The following WDR37 variants were observed in gnomAD, a reference collection of about 807,000 sequenced individuals.
WDR37 encodes the protein WD repeat domain 37.
In WDR37, 19 loss-of-function variants were observed where a neutral mutation model predicts 62.9. The observed-to-expected ratio is 0.30, with a 90% CI of 0.21 to 0.44. The LOEUF (loss-of-function observed/expected upper bound fraction) is 0.44, where lower values mean the gene tolerates loss of function less well. WDR37 is among the 20% of genes least tolerant of loss of function. The pLI is 1.00. For synonymous variants in WDR37, 250 were observed against 260.9 expected (o/e 0.96, Z 0.40); for missense variants, 474 against 657.6 (o/e 0.72, Z 3.05).
At chr10:1,063,165 A>T (rs1358432975) in intron 1 of WDR37, among the ~76,000 whole-genome samples, 3 of 152,060 alleles carry the variant, frequency 2.0e-5, no homozygotes, top group Non-Finnish European at 2.9e-5. Flanking sequence ...AATGACACCA[A>T]ACTTAGTTCT....
chr10:1,080,306 C>A, intron 4 of WDR37, 106 bp from the exon 5 acceptor site: 2 of 1,464,676 alleles, frequency 1.4e-6, no homozygotes. Flanking sequence ...GTCAAACGAG[C>A]CTTTCTGGGC....
intron 8 of WDR37, 113 bp from the exon 9 acceptor site, chr10:1,096,057 G>C: frequency 1.1e-6 from 1 of 901,518 alleles, no homozygotes; most frequent in Non-Finnish European, 1.8e-6. Context: ...CTCTCACTAA[G>C]TGGTCACTAA....
chr10:1,123,477 T>A (rs1835649469), intron 11 of WDR37, among the ~76,000 whole-genome samples: 1 of 152,216 alleles, frequency 6.6e-6, no homozygotes, highest in South Asian at 2.1e-4. Flanking sequence ...ATTTGCCTAG[T>A]CCAGGGATCT....
rs755541558 is a variant in WDR37 at position 1,078,022 on chromosome 10, A to G, written c.235+19A>G. 7 of 1,557,374 alleles carry G rather than the reference A, an allele frequency of 4.5e-6. No homozygotes were observed. Among genetic ancestry groups the G allele is most frequent in the South Asian group, 2.3e-5 (2 of 87,808 alleles). On this transcript the variant is annotated intron_variant, in intron 3 of 13. Transcript: ENST00000263150. ...TTAGAATGTGAGTATCTCCTATTTT[A>G]ATATACTTTTATAGCTTTACCTATC...
chr10:1,108,947 T>C (rs745667323), intron 11 of WDR37, among the ~76,000 whole-genome samples: 2 of 152,218 alleles, frequency 1.3e-5, no homozygotes, highest in Non-Finnish European at 2.9e-5. Context: ...GCTTCTGATA[T>C]GGGGGTTGCA....
intron 1 of WDR37, among the ~76,000 whole-genome samples, chr10:1,070,986 C>T (rs1833709845): frequency 6.6e-6 from 1 of 152,192 alleles, no homozygotes; most frequent in South Asian, 2.1e-4. Flanking sequence ...GAGGGCTGGG[C>T]ACACCAGAAA....
rs895098554 is a variant in WDR37 at position 1,124,906 on chromosome 10, G to T, written c.1239-4G>T. On this transcript the variant is annotated splice_region_variant and splice_polypyrimidine_tract_variant and intron_variant, in intron 12 of 13. Transcript: ENST00000263150. ...CACAACCCACTTTTACCTCTTCTTT[G>T]CAGGATCAATGTATGTGTCGGCCAA... 1.9e-6 allele frequency: 3 copies of T among 1,613,806 alleles called. No individual in the cohort carries two copies. The highest frequency in any genetic ancestry group is 1.3e-5 in the African/African-American group (1 of 74,866).
At chr10:1,126,348 G>C (rs1164106066) in intron 13 of WDR37, among the ~76,000 whole-genome samples, 2 of 150,680 alleles carry the variant, frequency 1.3e-5, no homozygotes, top group Non-Finnish European at 3.0e-5. Flanking sequence ...GGAGCTTGCA[G>C]TGAGCTGAGA....
rs58302550 is a variant in WDR37, at chr10:1,078,912, C to G, written c.235+909C>G. ...GTTGAATACTAACAAAGAGCATTTC[C>G]ATTGTTAAGCTGTTTTTCACTCTGT... On this transcript the variant is annotated intron_variant, in intron 3 of 13. Transcript: ENST00000263150. Among the ~76,000 whole-genome samples the G allele has an allele frequency of 8.8e-3, 1,345 of 152,278 alleles. 13 individuals are homozygous for G. Among genetic ancestry groups the G allele is most frequent in the African/African-American group, 0.021 (870 of 41,548 alleles).
At chr10:1,072,315 C>G in intron 2 of WDR37, 22 bp downstream of exon 2, 1 of 1,606,308 alleles carries the variant, frequency 6.2e-7, no homozygotes, top group South Asian at 1.1e-5. Flanking sequence ...TTGATTAGGG[C>G]CTTATTGATT....
intron 11 of WDR37, among the ~76,000 whole-genome samples, chr10:1,106,476 A>G (rs1451160384): frequency 6.6e-6 from 1 of 152,202 alleles, no homozygotes; most frequent in African/African-American, 2.4e-5. Flanking sequence ...AATGTTCAAA[A>G]TGTTAGTAAG....
At chr10:1,117,365 C>G (rs753649177) in intron 11 of WDR37, among the ~76,000 whole-genome samples, 2 of 152,162 alleles carry the variant, frequency 1.3e-5, no homozygotes, top group African/African-American at 2.4e-5. Flanking sequence ...CCTATTGATG[C>G]ATTTTAAAGT....
intron 6 of WDR37, 133 bp downstream of exon 6, chr10:1,084,671 C>A: frequency 1.5e-6 from 2 of 1,298,620 alleles, no homozygotes; most frequent in Admixed American, 2.2e-5. Flanking sequence ...TGGAACCCCC[C>A]ACACATTAAC....
intron 11 of WDR37, among the ~76,000 whole-genome samples, chr10:1,111,523 G>T (rs1371808421): frequency 6.6e-6 from 1 of 152,200 alleles, no homozygotes; most frequent in Non-Finnish European, 1.5e-5. Context: ...TGAAACGTGT[G>T]GTCATTACCT....
chr10:1,127,730 A>G (rs4880770), intron 13 of WDR37, among the ~76,000 whole-genome samples: 86,793 of 151,558 alleles, frequency 0.57, 24,812 homozygotes, highest in East Asian at 0.64. Flanking sequence ...AGGCTCACGG[A>G]GTGTGAGGGT....
intron 7 of WDR37, among the ~76,000 whole-genome samples, chr10:1,088,616 A>T (rs192908360): frequency 3.4e-4 from 51 of 152,090 alleles, no homozygotes; most frequent in African/African-American, 1.2e-3. Flanking sequence ...CAATGGTAGC[A>T]TCAGAGATCA....
chr10:1,062,632 G>A (rs949441636), intron 1 of WDR37, among the ~76,000 whole-genome samples: 1 of 152,104 alleles, frequency 6.6e-6, no homozygotes, highest in African/African-American at 2.4e-5. Flanking sequence ...ACTGTTTTAT[G>A]TTGTAAAGCA....
chr10:1,112,157 T>C (rs1354996777), intron 11 of WDR37, among the ~76,000 whole-genome samples: 1 of 152,244 alleles, frequency 6.6e-6, no homozygotes, highest in Non-Finnish European at 1.5e-5. Context: ...GGTCTGTTGG[T>C]GCCAGTTTTC....
rs1835918915 is a variant in WDR37, at chr10:1,129,916, T to G, written c.*572T>G. ...GGAGTTTAGAAGTTAAAAAAAAGCATGGGATGTTGGATTTGCACCATTTGG... is the reference window on the plus strand; with the variant it reads ...GGAGTTTAGAAGTTAAAAAAAAGCAGGGGATGTTGGATTTGCACCATTTGG... On this transcript the variant is annotated 3_prime_UTR_variant, in exon 14 of 14. Coordinates refer to ENST00000263150, the MANE Select transcript of WDR37 (RefSeq NM_014023.4). 6.6e-6 allele frequency: 1 copy of G among 152,248 alleles called. No homozygotes were observed. The highest frequency in any genetic ancestry group is 6.5e-5 in the Admixed American group (1 of 15,280). The allele number at this position is 152,248 out of a possible 1,614,324, so 9.4% of individuals were successfully genotyped here.
Sources: gnomAD v4.1 joint callset for allele counts (sites outside exome capture counted in the v4.1 genomes callset) on GRCh38, gnomAD v4.1.1 for gene constraint, MANE v1.5 for transcripts, NCBI Gene and HGNC (gene_info 2026-07-23, HGNC 2026-07-21) for gene names.